SPON1: variants seen among roughly 807,000 people sequenced by gnomAD.
SPON1 encodes spondin-1.
SPON1 carries 52 observed loss-of-function variants against 111.7 expected under a neutral mutation model. That is an observed-to-expected ratio of 0.47 (90% CI 0.37 to 0.59). The LOEUF (loss-of-function observed/expected upper bound fraction) is 0.59, where lower values mean the gene tolerates loss of function less well. SPON1 is among the 20% of genes least tolerant of loss of function. SPON1 has a pLI of 0.00. For missense variants in SPON1, 957 were observed against 1,068.5 expected, an observed-to-expected ratio of 0.90 and a Z score of 1.46; for synonymous variants, 410 against 395.8, an observed-to-expected ratio of 1.04 and a Z score of -0.43.
At chr11:14,122,172 T>TTTA (rs1564909776) in intron 5 of SPON1, among the ~76,000 whole-genome samples, 6 of 151,952 alleles carry the variant, frequency 3.9e-5, no homozygotes, top group South Asian at 2.1e-4. Context: ...AAATATTTTT[T>TTTA]TTTATTTATT....
At chr11:14,014,649 T>G (rs925789250) in intron 2 of SPON1, among the ~76,000 whole-genome samples, 3 of 152,152 alleles carry the variant, frequency 2.0e-5, no homozygotes, top group African/African-American at 7.2e-5. Flanking sequence ...GTCGGGCATT[T>G]GCGCCTTCAT....
intron 5 of SPON1, among the ~76,000 whole-genome samples, chr11:14,119,218 T>A (rs1173839099): frequency 6.6e-6 from 1 of 152,096 alleles, no homozygotes; most frequent in Non-Finnish European, 1.5e-5. Context: ...AAAAGCAGGA[T>A]CTGAGGCAAG....
intron 6 of SPON1, among the ~76,000 whole-genome samples, chr11:14,193,869 A>G (rs1554934801): frequency 6.6e-6 from 1 of 152,158 alleles, no homozygotes; most frequent in African/African-American, 2.4e-5. Flanking sequence ...ATTCCCACAG[A>G]GCCTTTTGAC....
At chr11:13,988,023 T>G (rs1456193753) in intron 2 of SPON1, among the ~76,000 whole-genome samples, 2 of 152,224 alleles carry the variant, frequency 1.3e-5, no homozygotes, top group African/African-American at 4.8e-5. Flanking sequence ...TAGGATTGTC[T>G]TGGCTATTGC....
intron 5 of SPON1, among the ~76,000 whole-genome samples, chr11:14,106,964 G>A (rs1418195682): frequency 6.6e-6 from 1 of 152,250 alleles, no homozygotes; most frequent in East Asian, 1.9e-4. Context: ...GAAAGGCTTA[G>A]GACGAAGCAA....
At chr11:13,983,026 C>A in intron 2 of SPON1, 73 bp downstream of exon 2, 1 of 1,040,146 alleles carries the variant, frequency 9.6e-7, no homozygotes, top group South Asian at 1.5e-5. Flanking sequence ...GTACAAGTGT[C>A]TCAGGTGGCT....
At chr11:14,091,816 A>G (rs1274593739) in intron 5 of SPON1, among the ~76,000 whole-genome samples, 4 of 152,310 alleles carry the variant, frequency 2.6e-5, no homozygotes, top group Admixed American at 6.5e-5. Context: ...AAATGCCGCC[A>G]AAGTAGGAGC....
At chr11:13,993,161 T>G (rs782721425) in intron 2 of SPON1, among the ~76,000 whole-genome samples, 5 of 152,074 alleles carry the variant, frequency 3.3e-5, no homozygotes, top group Non-Finnish European at 7.4e-5. Flanking sequence ...AAAGCAAATT[T>G]TAATGCTGTC....
At chr11:14,092,751 T>C (rs1849069455) in intron 5 of SPON1, among the ~76,000 whole-genome samples, 1 of 152,178 alleles carries the variant, frequency 6.6e-6, no homozygotes, top group Admixed American at 6.5e-5. Flanking sequence ...AAAACACTTC[T>C]AATCTAGTAG....
At chr11:14,163,547 C>G (rs1050934264) in intron 6 of SPON1, among the ~76,000 whole-genome samples, 11 of 151,998 alleles carry the variant, frequency 7.2e-5, no homozygotes, top group Non-Finnish European at 1.5e-4. Flanking sequence ...AGATTCTCCC[C>G]CCATACCTGG....
chr11:14,107,097 G>A (rs1554925011), intron 5 of SPON1, among the ~76,000 whole-genome samples: 2 of 152,158 alleles, frequency 1.3e-5, no homozygotes. Context: ...GGGTCTTGCA[G>A]CTCAAGTGGA....
intron 6 of SPON1, among the ~76,000 whole-genome samples, chr11:14,241,625 A>G (rs1187639077): frequency 1.5e-4 from 23 of 152,166 alleles, no homozygotes; most frequent in Admixed American, 8.5e-4. Flanking sequence ...GGTCAGAGGA[A>G]GGGCTCAGCC....
intron 1 of SPON1, among the ~76,000 whole-genome samples, chr11:13,972,883 G>C (rs1848073787): frequency 6.6e-6 from 1 of 152,186 alleles, no homozygotes; most frequent in South Asian, 2.1e-4. Context: ...GCAAAGCCCA[G>C]GGGTGGCTCT....
intron 10 of SPON1, 84 bp downstream of exon 10, chr11:14,256,776 C>G: frequency 9.8e-7 from 1 of 1,017,170 alleles, no homozygotes; most frequent in East Asian, 2.4e-5. Flanking sequence ...GTTTTAAGAA[C>G]CATAAACCAT....
Position 14,090,422 on chromosome 11 carries a change from G to A in SPON1, c.676+10401G>A, listed in dbSNP as rs541396022. Among the ~76,000 whole-genome samples the A allele has an allele frequency of 2.0e-5, 3 of 152,296 alleles. No individual in the cohort carries two copies. The South Asian group carries it at 6.2e-4, about 32-fold the overall frequency. On this transcript the variant is annotated intron_variant, in intron 5 of 15. Transcript: ENST00000576479. ...TGGTCTCACTGACTTCAAGAATGAA[G>A]CCGCGGACCCTCGTAGTGAGTGTTA...
At chr11:14,029,724 G>A (rs1320184289) in intron 2 of SPON1, among the ~76,000 whole-genome samples, 1 of 152,186 alleles carries the variant, frequency 6.6e-6, no homozygotes, top group African/African-American at 2.4e-5. Context: ...TCCAGGAAGT[G>A]TAGTCAGGTT....
At chr11:14,030,064 TC>T (rs1179094180) in intron 2 of SPON1, among the ~76,000 whole-genome samples, 7 of 152,186 alleles carry the variant, frequency 4.6e-5, no homozygotes, top group Non-Finnish European at 7.4e-5. Flanking sequence ...TCAGTGACCT[TC>T]CAGGCCTCTT....
chr11:14,241,995 G>T (rs1278224139), intron 6 of SPON1, among the ~76,000 whole-genome samples: 1 of 152,058 alleles, frequency 6.6e-6, no homozygotes. Flanking sequence ...CCCTGTCCTT[G>T]TGGGCCCTTC....
intron 6 of SPON1, among the ~76,000 whole-genome samples, chr11:14,182,579 A>G (rs782083219): frequency 2.0e-5 from 3 of 152,140 alleles, no homozygotes; most frequent in African/African-American, 4.8e-5. Flanking sequence ...GAACTGCCAT[A>G]TAAGTTTGTG....
Sources: allele counts gnomAD v4.1 joint callset (sites outside exome capture counted in the v4.1 genomes callset), GRCh38; gene constraint gnomAD v4.1.1; transcripts MANE v1.5; gene names NCBI Gene and HGNC (gene_info 2026-07-23, HGNC 2026-07-21).